Variants in MRC1 observed in about 807,000 individuals in gnomAD.
MRC1 encodes the protein mannose receptor C-type 1.
In MRC1, 62 loss-of-function variants were observed where a neutral mutation model predicts 102.9. That is an observed-to-expected ratio of 0.60 (90% CI 0.49 to 0.74). The LOEUF is 0.74. Among genes scored for constraint, MRC1 ranks in the 30% least tolerant of loss-of-function variants. MRC1 has a pLI of 0.00. For synonymous variants in MRC1, 457 were observed against 298.4 expected (o/e 1.53, Z -5.48); for missense variants, 1,237 against 862.8 (o/e 1.43, Z -5.43).
At chr10:17,865,988 T>C (rs912898984) in intron 11 of MRC1, among the ~76,000 whole-genome samples, 1 of 152,236 alleles carries the variant, frequency 6.6e-6, no homozygotes, top group Non-Finnish European at 1.5e-5. Context: ...GACAGAATTA[T>C]AAATTAAGCT....
rs1368081666 is a variant in MRC1, at chr10:17,910,228, G to A, written c.4134G>A (p.Lys1378=). Residue 1378 remains lysine (K), a synonymous_variant, in exon 30 of 30, where the codon AAG becomes AAA. Coordinates refer to ENST00000569591, the MANE Select transcript of MRC1 (RefSeq NM_002438.4). Reference sequence around the variant, plus strand: ...ATTTATTTATAGCTGACACAAGGAAGATGGACCCTTCTAAACCGTCTTCCA... The same window carrying A: ...ATTTATTTATAGCTGACACAAGGAAAATGGACCCTTCTAAACCGTCTTCCA... ...ELLTTKADTR[K]MDPSKPSSNV... is the part of the protein sequence containing the mutation. 1.3e-6 allele frequency: 1 copy of A among 780,772 alleles called. No individual in the cohort carries two copies. Among genetic ancestry groups the A allele is most frequent in the Non-Finnish European group, 2.4e-6 (1 of 417,970 alleles). 48.4% of individuals were successfully genotyped at this position (780,772 alleles called of 1,614,324 possible).
intron 27 of MRC1, among the ~76,000 whole-genome samples, chr10:17,907,317 T>G (rs1021021272): frequency 2.0e-5 from 3 of 152,172 alleles, no homozygotes; most frequent in Admixed American, 2.0e-4. Flanking sequence ...TAATTAGAAA[T>G]ACGGTTTTAA....
intron 1 of MRC1, among the ~76,000 whole-genome samples, chr10:17,814,512 G>A (rs994809789): frequency 6.6e-6 from 1 of 152,024 alleles, no homozygotes; most frequent in Non-Finnish European, 1.5e-5. Context: ...TACAGATGAG[G>A]AAGTAGAGGC....
intron 22 of MRC1, among the ~76,000 whole-genome samples, chr10:17,891,458 G>T (rs1022852704): frequency 3.9e-5 from 6 of 152,054 alleles, no homozygotes; most frequent in African/African-American, 1.2e-4. Flanking sequence ...GAGCCATTGC[G>T]CCCGGTGCTC....
chr10:17,845,530 G>A (rs1343617700), intron 6 of MRC1, 95 bp downstream of exon 6: 1 of 760,560 alleles, frequency 1.3e-6, no homozygotes, highest in Admixed American at 1.8e-5. Context: ...TGCCGCCAGA[G>A]GTTTTGTGGA....
At chr10:17,823,589 G>T in intron 2 of MRC1, 114 bp downstream of exon 2, 2 of 742,912 alleles carry the variant, frequency 2.7e-6, no homozygotes, top group South Asian at 1.5e-5. Context: ...AATATCAATT[G>T]ATCAGCATCT....
At chr10:17,877,749 A>G (rs1833457002) in intron 17 of MRC1, 151 bp from the exon 18 acceptor site, 1 of 684,064 alleles carries the variant, frequency 1.5e-6, no homozygotes, top group Non-Finnish European at 2.6e-6. Context: ...ATTTCTAGGA[A>G]GAACATAATA....
chr10:17,876,346 C>T (rs1833437242), intron 17 of MRC1, among the ~76,000 whole-genome samples: 1 of 151,156 alleles, frequency 6.6e-6, no homozygotes, highest in African/African-American at 2.4e-5. Context: ...CTACTGGGTT[C>T]AAGCAGTTCT....
intron 23 of MRC1, among the ~76,000 whole-genome samples, chr10:17,896,138 G>T (rs1833751932): frequency 1.3e-5 from 2 of 152,134 alleles, no homozygotes; most frequent in African/African-American, 2.4e-5. Flanking sequence ...GGTGGTGAGG[G>T]TTGCTGTCAT....
chr10:17,894,191 T>C lies in MRC1; in HGVS notation c.3148-19T>C, dbSNP rs1199466155. ...TTGATTCATGATTGTTTTCTTTTTC[T>C]TTCTCCATAAATATACAGGCTGACT... On this transcript the variant is annotated intron_variant, in intron 22 of 29. Coordinates refer to ENST00000569591, the MANE Select transcript of MRC1 (RefSeq NM_002438.4). 22 of 870,756 alleles carry C rather than the reference T, an allele frequency of 2.5e-5. No homozygotes were observed. The highest frequency in any genetic ancestry group is 4.2e-5 in the Non-Finnish European group (21 of 500,560). 53.9% of individuals were successfully genotyped at this position (870,756 alleles called of 1,614,324 possible). A position where few individuals can be genotyped will look rare whatever the true frequency, so the allele number is the denominator to read the frequency against.
At chr10:17,884,902 A>G (rs1833569926) in intron 21 of MRC1, among the ~76,000 whole-genome samples, 1 of 152,234 alleles carries the variant, frequency 6.6e-6, no homozygotes, top group Admixed American at 6.5e-5. Context: ...TTATTTACAG[A>G]ATCGGGACAG....
chr10:17,867,000 C>T (rs1833278677), intron 12 of MRC1, among the ~76,000 whole-genome samples: 1 of 152,054 alleles, frequency 6.6e-6, no homozygotes, highest in South Asian at 2.1e-4. Context: ...AGTTTTTTCT[C>T]ACCTGCTCTG....
chr10:17,863,914 T>C (rs1421152265), intron 11 of MRC1, among the ~76,000 whole-genome samples: 1 of 152,124 alleles, frequency 6.6e-6, no homozygotes. Flanking sequence ...AATTGCTAGG[T>C]TATATTGCTG....
intron 5 of MRC1, among the ~76,000 whole-genome samples, chr10:17,844,743 C>G (rs1439533209): frequency 6.6e-6 from 1 of 152,192 alleles, no homozygotes; most frequent in African/African-American, 2.4e-5. Context: ...CCTCCCCCAT[C>G]TCATAGTCCC....
At chr10:17,852,104 C>T (rs1838926067) in intron 7 of MRC1, among the ~76,000 whole-genome samples, 1 of 152,058 alleles carries the variant, frequency 6.6e-6, no homozygotes, top group Non-Finnish European at 1.5e-5. Context: ...ATTTTTTAGC[C>T]ATGACATCTT....
At chr10:17,873,971 G>A in intron 16 of MRC1, 146 bp downstream of exon 16, 1 of 684,550 alleles carries the variant, frequency 1.5e-6, no homozygotes, top group Non-Finnish European at 2.7e-6. Flanking sequence ...GGAAATTTGG[G>A]TCTTCCTCTC....
At chr10:17,875,385 T>G in intron 17 of MRC1, 132 bp downstream of exon 17, 2 of 692,326 alleles carry the variant, frequency 2.9e-6, no homozygotes, top group Non-Finnish European at 5.2e-6. Context: ...GTATACGCTG[T>G]ACTGAATGTG....
In MRC1 at chr10:17,840,065, C is replaced by CAAAA. The variant is rs35908194; in HGVS notation, c.803-613_803-610dup. Among the ~76,000 whole-genome samples, 106 of 103,046 alleles carry CAAAA rather than the reference C, an allele frequency of 1.0e-3. 2 individuals carry two copies. In the East Asian group the frequency reaches 0.013, roughly 13 times the overall value. 67.6% of individuals were successfully genotyped at this position (103,046 alleles called of 152,430 possible). On this transcript the variant is annotated intron_variant, in intron 4 of 29. Transcript: ENST00000569591. The stretch of plus-strand genomic sequence containing the variant: ...TGGGCGACAGTGCAAGACTCCAACT[C>CAAAA]AAAAAAAAAAAAAAAAAAGAGCGGT...
At chr10:17,835,505 C>CT (rs1276341145) in intron 4 of MRC1, among the ~76,000 whole-genome samples, 1 of 152,122 alleles carries the variant, frequency 6.6e-6, no homozygotes, top group Non-Finnish European at 1.5e-5. Flanking sequence ...ATAATAAGTC[C>CT]TGCATGGAAA....
Sources: allele counts gnomAD v4.1 joint callset (sites outside exome capture counted in the v4.1 genomes callset), GRCh38; gene constraint gnomAD v4.1.1; transcripts MANE v1.5; gene names NCBI Gene and HGNC (gene_info 2026-07-23, HGNC 2026-07-21).